RBM3: variants seen among roughly 807,000 people sequenced by gnomAD.
RBM3 encodes the protein RNA-binding protein 3.
RBM3 carries 3 observed loss-of-function variants against 12.0 expected under a neutral mutation model. That is an observed-to-expected ratio of 0.25 (90% CI 0.11 to 0.65). RBM3 has a LOEUF of 0.65. Among genes scored for constraint, RBM3 ranks in the 30% least tolerant of loss-of-function variants. The pLI, the probability that RBM3 is intolerant of heterozygous loss-of-function variation, is 0.84. For synonymous variants in RBM3, 58 were observed against 45.7 expected (o/e 1.27, Z -1.08); for missense variants, 108 against 134.5 (o/e 0.80, Z 0.97).
Position 48,579,910 on chromosome X carries a change from A to G in RBM3, c.*2469A>G, listed in dbSNP as rs1466693941. 9.0e-6 allele frequency: 1 copy of G among 111,387 alleles called. No individual in the cohort carries two copies. The highest frequency in any genetic ancestry group is 2.8e-4 in the East Asian group (1 of 3,543). 9.2% of individuals were successfully genotyped at this position (111,387 alleles called of 1,213,427 possible). On this transcript the variant is annotated 3_prime_UTR_variant, in exon 7 of 7. Transcript: ENST00000376759. ...TAAGGAAGAGAGCCCACAGTTCTCT[A>G]TAGTGCCATAGTCTGTGATGAATAA...
chrX:48,577,340 G>T, intron 6 of RBM3, 125 bp from the exon 7 acceptor site: 1 of 895,806 alleles, frequency 1.1e-6, no homozygotes, highest in Non-Finnish European at 1.5e-6. Flanking sequence ...TCTTGTGTGG[G>T]ATGGAGGAAA....
Position 48,577,093 on chromosome X carries a change from A to T in RBM3, c.*7A>T. On this transcript the variant is annotated 3_prime_UTR_variant, in exon 6 of 7. Coordinates refer to ENST00000376759, the MANE Select transcript of RBM3 (RefSeq NM_006743.5). ...AGACAATTATGACAACTGAAATGAG[A>T]CATGCACATAATATAGGTGAGACTT... The T allele has an allele frequency of 8.3e-7, 1 of 1,211,683 alleles. No individual in the cohort carries two copies. Among genetic ancestry groups the T allele is most frequent in the Admixed American group, 2.2e-5 (1 of 45,937 alleles).
chrX:48,575,293 G>A lies in RBM3; in HGVS notation c.103+10G>A, dbSNP rs782334435. The stretch of plus-strand genomic sequence containing the variant: ...GGACCTATCTCTGAGGGTGAGACGG[G>A]CCATACTCACAATGGGGGTTGGTGA... On this transcript the variant is annotated intron_variant, in intron 2 of 6. Transcript: ENST00000376759. The A allele has an allele frequency of 5.1e-6, 6 of 1,178,062 alleles. No homozygotes were observed. Among genetic ancestry groups the A allele is most frequent in the Non-Finnish European group, 6.9e-6 (6 of 869,460 alleles).
intron 5 of RBM3, 82 bp downstream of exon 5, chrX:48,576,686 C>T: frequency 4.5e-6 from 5 of 1,111,619 alleles, no homozygotes; most frequent in Non-Finnish European, 3.6e-6. Flanking sequence ...ATGCATACCA[C>T]ACCTTGCTGT....
chrX:48,576,980 A>T (rs2062083380), intron 5 of RBM3, 46 bp from the exon 6 acceptor site: 1 of 1,183,308 alleles, frequency 8.5e-7, no homozygotes, highest in South Asian at 1.8e-5. Context: ...AGTGGTATAT[A>T]TAATGCAGTA....
At chrX:48,577,281 A>G (rs1556989549) in intron 6 of RBM3, 172 bp downstream of exon 6, 2 of 1,067,276 alleles carry the variant, frequency 1.9e-6, no homozygotes, top group Non-Finnish European at 2.5e-6. Flanking sequence ...TATCAGAGCA[A>G]GTTTGCTAGG....
chrX:48,576,788 T>C (rs2062082341), intron 5 of RBM3, among the ~76,000 whole-genome samples, 184 bp downstream of exon 5: 1 of 112,332 alleles, frequency 8.9e-6, no homozygotes, highest in African/African-American at 3.2e-5. Context: ...ATACTATATA[T>C]GTTGTGCTGT....
intron 6 of RBM3, 44 bp from the exon 7 acceptor site, chrX:48,577,421 G>T: frequency 1.1e-6 from 1 of 935,360 alleles, no homozygotes; most frequent in Non-Finnish European, 1.5e-6. Context: ...GTTGTCAGCT[G>T]TTACTTCATG....
At position 48,578,168 on chromosome X, in the gene RBM3, T is replaced by G. The variant is rs1391658853; in HGVS notation, c.*727T>G. 1 of 111,300 alleles carries G rather than the reference T, an allele frequency of 9.0e-6. No individual in the cohort carries two copies. Among genetic ancestry groups the G allele is most frequent in the Non-Finnish European group, 1.9e-5 (1 of 53,057 alleles). 9.2% of individuals were successfully genotyped at this position (111,300 alleles called of 1,213,427 possible). A position where few individuals can be genotyped will look rare whatever the true frequency, so the allele number is the denominator to read the frequency against. ...AAACTGATTATATAGAAGAGTTGGC[T>G]TTAAAATGTTTGCAAATGTCTTTTT... On this transcript the variant is annotated 3_prime_UTR_variant, in exon 7 of 7. Transcript: ENST00000376759.
chrX:48,576,285 C>G (rs781932193), intron 3 of RBM3, 29 bp from the exon 4 acceptor site: 2 of 1,199,095 alleles, frequency 1.7e-6, no homozygotes, highest in South Asian at 1.8e-5. Context: ...TGACTGCCAA[C>G]CCATCATCCT....
At chrX:48,576,156 A>G in intron 3 of RBM3, 158 bp from the exon 4 acceptor site, 2 of 1,165,725 alleles carry the variant, frequency 1.7e-6, no homozygotes, top group Non-Finnish European at 2.3e-6. Context: ...TGATGAAGCC[A>G]TTCTGGGGTA....
intron 5 of RBM3, 102 bp from the exon 6 acceptor site, chrX:48,576,924 G>A: frequency 1.0e-6 from 1 of 1,004,278 alleles, no homozygotes; most frequent in Non-Finnish European, 1.4e-6. Context: ...TGATACGTAA[G>A]GTTTATGTTA....
In RBM3 at chrX:48,575,366, T is replaced by C. The variant is rs1297728994; in HGVS notation, c.103+83T>C. 46 of 937,187 alleles carry C rather than the reference T, an allele frequency of 4.9e-5. No individual in the cohort carries two copies. In the Admixed American group the frequency reaches 1.2e-3, roughly 24 times the overall value. The allele number at this position is 937,187 out of a possible 1,213,427, so 77.2% of individuals were successfully genotyped here. The stretch of plus-strand genomic sequence containing the variant: ...TTTCAAGGAGTATTAACTGAAAAGT[T>C]AGGACCCACGCCTCCAAATTCTTTT... On this transcript the variant is annotated intron_variant, in intron 2 of 6. Transcript: ENST00000376759.
Position 48,578,122 on chromosome X carries a change from T to C in RBM3, c.*681T>C, listed in dbSNP as rs1196648639. 9.1e-6 allele frequency: 1 copy of C among 110,098 alleles called. No individual in the cohort carries two copies. Among genetic ancestry groups the C allele is most frequent in the Non-Finnish European group, 1.9e-5 (1 of 52,730 alleles). The allele number at this position is 110,098 out of a possible 1,213,427, so 9.1% of individuals were successfully genotyped here. On this transcript the variant is annotated 3_prime_UTR_variant, in exon 7 of 7. Coordinates refer to ENST00000376759, the MANE Select transcript of RBM3 (RefSeq NM_006743.5). ...TATCAAGAACATGATTATCCAGCGGTATTTTCTAATTCAGATCATCAAACT... is the reference window on the plus strand; with the variant it reads ...TATCAAGAACATGATTATCCAGCGGCATTTTCTAATTCAGATCATCAAACT...
chrX:48,575,013 T>C (rs1157464714), intron 1 of RBM3, 155 bp from the exon 2 acceptor site: 5 of 468,594 alleles, frequency 1.1e-5, no homozygotes, highest in South Asian at 6.2e-5. Context: ...TACCACCTTA[T>C]TGGCCGCCTT....
chrX:48,575,159 T>TG lies in RBM3; in HGVS notation c.-13-9_-13-8insG. ...CTTCCTGCCACCATTCTTCATGTTC[T>TG]TCCCACAGGACTTGAACTGCCATGT... On this transcript the variant is annotated splice_polypyrimidine_tract_variant and intron_variant, in intron 1 of 6. Coordinates refer to ENST00000376759, the MANE Select transcript of RBM3 (RefSeq NM_006743.5). 8.7e-7 allele frequency: 1 copy of TG among 1,153,473 alleles called. No homozygotes were observed. The highest frequency in any genetic ancestry group is 1.8e-5 in the African/African-American group (1 of 56,690).
Position 48,577,274 on chromosome X carries a change from CAG to C in RBM3, c.*23+168_*23+169del, listed in dbSNP as rs1390493108. On this transcript the variant is annotated intron_variant, in intron 6 of 6. Coordinates refer to ENST00000376759, the MANE Select transcript of RBM3 (RefSeq NM_006743.5). ...GCCTTCCTTGCTCTCAGGTGCATAT[CAG>C]AGCAAGTTTGCTAGGGGGTGGGATC... 8 of 1,082,703 alleles carry C rather than the reference CAG, an allele frequency of 7.4e-6. No homozygotes were observed. In the Admixed American group the frequency reaches 1.3e-4, roughly 18 times the overall value. 89.2% of individuals were successfully genotyped at this position (1,082,703 alleles called of 1,213,427 possible).
Position 48,580,155 on chromosome X carries a change from G to C in RBM3, c.*2714G>C, listed in dbSNP as rs1280946135. On this transcript the variant is annotated 3_prime_UTR_variant, in exon 7 of 7. Coordinates refer to ENST00000376759, the MANE Select transcript of RBM3 (RefSeq NM_006743.5). ...TTTTCACTTTCAAGCCCTGGAACTT[G>C]TCTGTACCAAAAATCTTTCTGAACC... The C allele has an allele frequency of 9.0e-6, 1 of 111,539 alleles. No homozygotes were observed. Among genetic ancestry groups the C allele is most frequent in the Non-Finnish European group, 1.9e-5 (1 of 53,137 alleles). 9.2% of individuals were successfully genotyped at this position (111,539 alleles called of 1,213,427 possible).
rs2272655 is a variant in RBM3, at chrX:48,576,758, T to C, written c.413+154T>C. On this transcript the variant is annotated intron_variant, in intron 5 of 6. Transcript: ENST00000376759. ...ATTTTAAGTTAATTGTGTAGTCATATAGTTGCGACATGGTAAAGTATACTA... is the reference window on the plus strand; with the variant it reads ...ATTTTAAGTTAATTGTGTAGTCATACAGTTGCGACATGGTAAAGTATACTA... Among the ~76,000 whole-genome samples, 55 of 112,182 alleles carry C rather than the reference T, an allele frequency of 4.9e-4. 1 individual carries two copies. The East Asian group carries it at 0.014, about 29-fold the overall frequency.
Sources: allele counts gnomAD v4.1 joint callset (sites outside exome capture counted in the v4.1 genomes callset), GRCh38; gene constraint gnomAD v4.1.1; transcripts MANE v1.5; gene names NCBI Gene and HGNC (gene_info 2026-07-23, HGNC 2026-07-21).